Variants in CSMD1 observed in about 807,000 individuals in gnomAD.
CSMD1 encodes the protein CUB and sushi domain-containing protein 1.
A neutral mutation model predicts 417.5 loss-of-function variants in CSMD1; 213 were observed. That is an observed-to-expected ratio of 0.51 (90% CI 0.46 to 0.57). The LOEUF (loss-of-function observed/expected upper bound fraction) is 0.57, where lower values mean the gene tolerates loss of function less well. Among genes scored for constraint, CSMD1 ranks in the 20% least tolerant of loss-of-function variants. The pLI is 0.00. For missense variants in CSMD1, 6,923 were observed against 4,529.7 expected, an observed-to-expected ratio of 1.53 and a Z score of -15.17; for synonymous variants, 2,862 against 1,736.8, an observed-to-expected ratio of 1.65 and a Z score of -16.11.
intron 2 of CSMD1, among the ~76,000 whole-genome samples, chr8:4,521,679 G>C (rs1458922076): frequency 1.3e-5 from 2 of 152,174 alleles, no homozygotes; most frequent in African/African-American, 2.4e-5. Context: ...AAGAAAAGTT[G>C]CCTATTTTAT....
At chr8:2,985,814 T>C (rs1279425596) in intron 54 of CSMD1, among the ~76,000 whole-genome samples, 1 of 151,990 alleles carries the variant, frequency 6.6e-6, no homozygotes, top group Admixed American at 6.6e-5. Flanking sequence ...GTACTTTCAA[T>C]TTATTCTACA....
intron 2 of CSMD1, among the ~76,000 whole-genome samples, chr8:4,606,719 T>A (rs993870583): frequency 6.6e-6 from 1 of 152,244 alleles, no homozygotes; most frequent in African/African-American, 2.4e-5. Flanking sequence ...TCCTCCAGTT[T>A]GATAAAGACC....
At chr8:3,803,124 T>C (rs929072308) in intron 5 of CSMD1, among the ~76,000 whole-genome samples, 1 of 152,184 alleles carries the variant, frequency 6.6e-6, no homozygotes, top group African/African-American at 2.4e-5. Flanking sequence ...TGCTGTCTCT[T>C]TGAAGGACTT....
intron 3 of CSMD1, among the ~76,000 whole-genome samples, chr8:4,389,542 C>G (rs1803704563): frequency 6.6e-6 from 1 of 152,022 alleles, no homozygotes. Flanking sequence ...GCAGAAGACA[C>G]TAAAATGTTA....
intron 12 of CSMD1, among the ~76,000 whole-genome samples, chr8:3,447,179 A>T (rs1468371491): frequency 6.6e-6 from 1 of 152,138 alleles, no homozygotes; most frequent in Admixed American, 6.6e-5. Context: ...GATGAAAAGA[A>T]CTCTATGGCA....
chr8:4,800,160 C>A (rs1396306435), intron 1 of CSMD1, among the ~76,000 whole-genome samples: 1 of 151,954 alleles, frequency 6.6e-6, no homozygotes, highest in African/African-American at 2.4e-5. Flanking sequence ...GAAAATTGGC[C>A]GGCCGTGACG....
At chr8:3,441,002 C>T (rs1039115893) in intron 12 of CSMD1, among the ~76,000 whole-genome samples, 3 of 152,120 alleles carry the variant, frequency 2.0e-5, no homozygotes, top group African/African-American at 7.2e-5. Context: ...GAGATTAGAT[C>T]ATCCTGGATT....
At chr8:4,959,833 C>T (rs1006167522) in intron 1 of CSMD1, among the ~76,000 whole-genome samples, 1 of 152,188 alleles carries the variant, frequency 6.6e-6, no homozygotes, top group Non-Finnish European at 1.5e-5. Flanking sequence ...AACTACCTAA[C>T]CATTTAACAG....
chr8:3,717,998 T>G (rs939225660), intron 6 of CSMD1, among the ~76,000 whole-genome samples: 2 of 152,186 alleles, frequency 1.3e-5, no homozygotes, highest in Non-Finnish European at 2.9e-5. Context: ...CTGATGTAAA[T>G]AAGAATATCT....
At chr8:4,060,842 T>C (rs755394582) in intron 3 of CSMD1, among the ~76,000 whole-genome samples, 22 of 152,138 alleles carry the variant, frequency 1.4e-4, no homozygotes, top group Admixed American at 6.6e-4. Context: ...GCATTAATCA[T>C]GTAAGGTTAG....
intron 3 of CSMD1, among the ~76,000 whole-genome samples, chr8:4,241,904 A>T (rs942720875): frequency 4.6e-5 from 7 of 152,170 alleles, no homozygotes; most frequent in African/African-American, 1.7e-4. Flanking sequence ...GCATAAAGAC[A>T]ACATCGTGAA....
intron 5 of CSMD1, among the ~76,000 whole-genome samples, chr8:3,822,820 T>C (rs979204547): frequency 6.6e-6 from 1 of 152,206 alleles, no homozygotes; most frequent in Non-Finnish European, 1.5e-5. Flanking sequence ...GGGCTTATTT[T>C]TTTTTTAGTA....
intron 1 of CSMD1, among the ~76,000 whole-genome samples, chr8:4,983,445 C>T (rs1006745428): frequency 6.6e-6 from 1 of 152,188 alleles, no homozygotes; most frequent in Non-Finnish European, 1.5e-5. Context: ...CAAGAGTGCC[C>T]TTCAGTTCTC....
chr8:3,156,986 C>CAAA (rs869173951), intron 39 of CSMD1, among the ~76,000 whole-genome samples: 114 of 64,194 alleles, frequency 1.8e-3, no homozygotes, highest in African/African-American at 3.8e-3. Context: ...GTTGTTTAGA[C>CAAA]AAAAAAAAAA....
In CSMD1 at chr8:4,919,034, C is replaced by T. The variant is rs559478493; in HGVS notation, c.85+75298G>A. ...AAGATAAGCCACTTAGGTGCAGGGA[C>T]GAATGTAACAGAGCCATGGTTTTCA... On this transcript the variant is annotated intron_variant, in intron 1 of 69. Transcript: ENST00000635120. Among the ~76,000 whole-genome samples, 23 of 152,154 alleles carry T rather than the reference C, an allele frequency of 1.5e-4. No individual in the cohort carries two copies. The East Asian group carries it at 3.1e-3, about 20-fold the overall frequency.
intron 2 of CSMD1, among the ~76,000 whole-genome samples, chr8:4,513,211 G>A (rs947902872): frequency 1.6e-4 from 25 of 152,102 alleles, no homozygotes; most frequent in Non-Finnish European, 3.1e-4. Context: ...ATTCTTATGG[G>A]GGGATGTTGA....
intron 2 of CSMD1, among the ~76,000 whole-genome samples, chr8:4,633,305 G>A (rs1802637332): frequency 6.6e-6 from 1 of 151,938 alleles, no homozygotes; most frequent in East Asian, 1.9e-4. Flanking sequence ...GGAGTGCAGT[G>A]GTGCGATCTC....
chr8:4,946,350 T>C (rs1808368940), intron 1 of CSMD1, among the ~76,000 whole-genome samples: 2 of 152,276 alleles, frequency 1.3e-5, no homozygotes, highest in South Asian at 4.1e-4. Flanking sequence ...TTGAGGGTGC[T>C]TTAGTCACCA....
chr8:4,561,492 G>A (rs990081237), intron 2 of CSMD1, among the ~76,000 whole-genome samples: 1 of 152,156 alleles, frequency 6.6e-6, no homozygotes, highest in Non-Finnish European at 1.5e-5. Flanking sequence ...GGACCACCCT[G>A]GGCAACATGG....
Sources: gnomAD v4.1 joint callset for allele counts (sites outside exome capture counted in the v4.1 genomes callset) on GRCh38, gnomAD v4.1.1 for gene constraint, MANE v1.5 for transcripts, NCBI Gene and HGNC (gene_info 2026-07-23, HGNC 2026-07-21) for gene names.